The following PON3 variants were observed in gnomAD, a reference collection of about 807,000 sequenced individuals.
PON3 encodes serum paraoxonase/lactonase 3.
In PON3, 37 loss-of-function variants were observed where a neutral mutation model predicts 36.3. The observed-to-expected ratio is 1.02, with a 90% CI of 0.78 to 1.34. PON3 has a LOEUF of 1.34. PON3 is among the 40% of genes most tolerant of loss of function. The pLI, the probability that PON3 is intolerant of heterozygous loss-of-function variation, is 0.00. For missense variants in PON3, 415 were observed against 426.5 expected (o/e 0.97, Z 0.24); for synonymous variants, 155 against 154.8 (o/e 1.00, Z -0.01).
At chr7:95,392,279 C>T (rs1199766562) in intron 2 of PON3, among the ~76,000 whole-genome samples, 1 of 152,228 alleles carries the variant, frequency 6.6e-6, no homozygotes, top group Middle Eastern at 3.2e-3. Flanking sequence ...CTTTCTTCTG[C>T]TCCCAGCCTG....
intron 4 of PON3, among the ~76,000 whole-genome samples, chr7:95,368,243 C>A (rs771257136): frequency 6.6e-6 from 1 of 152,178 alleles, no homozygotes; most frequent in Non-Finnish European, 1.5e-5. Context: ...CCCATCCTCC[C>A]ACTGTAGGAC....
At chr7:95,386,146 G>A (rs150265933) in intron 3 of PON3, among the ~76,000 whole-genome samples, 2 of 152,142 alleles carry the variant, frequency 1.3e-5, no homozygotes, top group East Asian at 3.8e-4. Flanking sequence ...CAGAACTGAA[G>A]GAGATAGATA....
At chr7:95,382,980 A>T (rs951682921) in intron 3 of PON3, among the ~76,000 whole-genome samples, 1 of 152,220 alleles carries the variant, frequency 6.6e-6, no homozygotes, top group Non-Finnish European at 1.5e-5. Context: ...CAAATCCAGC[A>T]GCACATCAAA....
At chr7:95,367,630 C>T (rs1808728179) in intron 4 of PON3, 142 bp from the exon 5 acceptor site, 2 of 843,768 alleles carry the variant, frequency 2.4e-6, no homozygotes, top group Non-Finnish European at 3.8e-6. Context: ...ATAGGTAAGT[C>T]AGACAAATGC....
chr7:95,362,231 T>C (rs962886245), intron 8 of PON3, 131 bp downstream of exon 8: 28 of 1,223,106 alleles, frequency 2.3e-5, no homozygotes. Context: ...TCAAAAACTT[T>C]ACTTTTCTCA....
intron 3 of PON3, among the ~76,000 whole-genome samples, chr7:95,382,203 G>A (rs565631689): frequency 6.6e-6 from 1 of 152,320 alleles, no homozygotes; most frequent in African/African-American, 2.4e-5. Flanking sequence ...ATTTAAAGCA[G>A]TGTGTAGAGG....
intron 5 of PON3, 77 bp downstream of exon 5, chr7:95,367,285 C>G (rs1808717865): frequency 6.5e-7 from 1 of 1,547,474 alleles, no homozygotes; most frequent in Non-Finnish European, 8.8e-7. Context: ...TTTAAGAAAG[C>G]CTGCTGAACC....
chr7:95,379,925 C>A (rs1809007889), intron 3 of PON3, among the ~76,000 whole-genome samples: 1 of 152,226 alleles, frequency 6.6e-6, no homozygotes, highest in Non-Finnish European at 1.5e-5. Flanking sequence ...TCCCTGACCC[C>A]TGAGTAGCCT....
chr7:95,389,938 C>A (rs146868862), intron 3 of PON3, among the ~76,000 whole-genome samples: 40 of 152,294 alleles, frequency 2.6e-4, no homozygotes, highest in Admixed American at 1.5e-3. Context: ...GCCACTACCC[C>A]CAGGGAGTTG....
At chr7:95,383,362 G>A (rs2116409879) in intron 3 of PON3, among the ~76,000 whole-genome samples, 1 of 152,282 alleles carries the variant, frequency 6.6e-6, no homozygotes, top group African/African-American at 2.4e-5. Flanking sequence ...AGGCAATCAG[G>A]CAGGAGAAAG....
At chr7:95,381,141 C>T (rs975397598) in intron 3 of PON3, among the ~76,000 whole-genome samples, 1 of 152,174 alleles carries the variant, frequency 6.6e-6, no homozygotes, top group African/African-American at 2.4e-5. Flanking sequence ...CCTTTACAGA[C>T]AAGCAAATGC....
At position 95,364,002 on chromosome 7, in the gene PON3, T is replaced by A. The variant is rs763562011; in HGVS notation, c.556A>T (p.Thr186Ser). 9.3e-6 allele frequency: 15 copies of A among 1,613,770 alleles called. No homozygotes were observed. Among genetic ancestry groups the A allele is most frequent in the Admixed American group, 5.0e-5 (3 of 59,990 alleles). The change falls in exon 6 of 9, where the codon ACC becomes TCC. Residue 186 changes from threonine (T) to serine (S), a missense_variant. Coordinates refer to ENST00000265627, the MANE Select transcript of PON3 (RefSeq NM_000940.3). ...TCAAAAAATGACAGGAGGGAGTTGG[T>A]AAAATAGTGGTCTCTGGTGGCATAG... is the stretch of plus-strand genomic sequence containing the variant. ...QFYATRDHYF[T>S]NSLLSFFEMI...
chr7:95,371,551 T>C lies in PON3; in HGVS notation c.367+622A>G, dbSNP rs17883550. 8.0e-3 allele frequency among the ~76,000 whole-genome samples: 1,215 copies of C among 152,312 alleles called. 5 individuals are homozygous for C. Among genetic ancestry groups the C allele is most frequent in the Non-Finnish European group, 0.012 (841 of 68,016 alleles). On this transcript the variant is annotated intron_variant, in intron 4 of 8. Transcript: ENST00000265627. The stretch of plus-strand genomic sequence containing the variant: ...TTTGTAGTTTCCTAATGTCTAAGGA[T>C]GATAAACATCTTTCATGTGCTTACA...
intron 3 of PON3, among the ~76,000 whole-genome samples, chr7:95,389,098 A>G (rs1194493071): frequency 6.6e-6 from 1 of 152,220 alleles, no homozygotes; most frequent in Non-Finnish European, 1.5e-5. Context: ...ATAAAAAAAA[A>G]TCTAAACTGA....
intron 3 of PON3, among the ~76,000 whole-genome samples, chr7:95,377,354 A>G (rs1213035269): frequency 2.0e-5 from 3 of 152,200 alleles, no homozygotes; most frequent in African/African-American, 7.2e-5. Context: ...AATCAGAACA[A>G]AAGGCGGCAG....
At chr7:95,394,507 G>A (rs1809386890) in intron 2 of PON3, 137 bp downstream of exon 2, 2 of 744,922 alleles carry the variant, frequency 2.7e-6, no homozygotes. Context: ...CCTTGCATGG[G>A]GCAGAGTGGA....
intron 4 of PON3, among the ~76,000 whole-genome samples, chr7:95,368,668 GC>G (rs1808747283): frequency 6.6e-6 from 1 of 151,690 alleles, no homozygotes; most frequent in Non-Finnish European, 1.5e-5. Flanking sequence ...TAATATTTTG[GC>G]CTTATGAATT....
chr7:95,362,732 T>TTGTG (rs1186129627), intron 7 of PON3, 28 bp downstream of exon 7: 24 of 1,554,204 alleles, frequency 1.5e-5, no homozygotes, highest in Non-Finnish European at 2.0e-5. Context: ...AGAAGTCAGA[T>TTGTG]TGTGTGGGCC....
intron 3 of PON3, among the ~76,000 whole-genome samples, chr7:95,378,967 T>C (rs1441122852): frequency 6.6e-6 from 1 of 151,670 alleles, no homozygotes; most frequent in Admixed American, 6.6e-5. Context: ...GCAAATTGGA[T>C]AGAGTCAAGA....
Sources: gnomAD v4.1 joint callset for allele counts (sites outside exome capture counted in the v4.1 genomes callset) on GRCh38, gnomAD v4.1.1 for gene constraint, MANE v1.5 for transcripts, NCBI Gene and HGNC (gene_info 2026-07-23, HGNC 2026-07-21) for gene names.